Variants in USP32 observed in about 807,000 individuals in gnomAD.
The protein encoded by USP32 is ubiquitin specific peptidase 32.
A neutral mutation model predicts 204.8 loss-of-function variants in USP32; 59 were observed. The ratio of observed to expected loss-of-function variants is 0.29; its 90% CI spans 0.23 to 0.36. The LOEUF (loss-of-function observed/expected upper bound fraction) is 0.36. Among genes scored for constraint, USP32 ranks in the 10% least tolerant of loss-of-function variants. The pLI is 1.00. For synonymous variants in USP32, 517 were observed against 678.4 expected (o/e 0.76, Z 3.70); for missense variants, 1,160 against 1,946.4 (o/e 0.60, Z 7.60).
chr17:60,218,749 C>A (rs959548149), intron 16 of USP32, among the ~76,000 whole-genome samples: 2 of 152,136 alleles, frequency 1.3e-5, no homozygotes, highest in African/African-American at 4.8e-5. Context: ...AATTACAGCA[C>A]CACCACGCCC....
intron 1 of USP32, among the ~76,000 whole-genome samples, chr17:60,354,136 T>C (rs2089016124): frequency 6.6e-6 from 1 of 152,240 alleles, no homozygotes; most frequent in South Asian, 2.1e-4. Context: ...TTACATGGTA[T>C]AAAATATTTC....
intron 3 of USP32, among the ~76,000 whole-genome samples, chr17:60,296,946 T>TA (rs1225916497): frequency 6.6e-6 from 1 of 152,114 alleles, no homozygotes; most frequent in East Asian, 1.9e-4. Flanking sequence ...CACATCTCAT[T>TA]ATATCCAATC....
chr17:60,246,176 C>T (rs2086019249), intron 11 of USP32, among the ~76,000 whole-genome samples: 1 of 151,784 alleles, frequency 6.6e-6, no homozygotes, highest in African/African-American at 2.4e-5. Flanking sequence ...CAATATTATC[C>T]CTCCTGCCCT....
chr17:60,252,738 G>A (rs1163159167), intron 10 of USP32, among the ~76,000 whole-genome samples: 1 of 152,148 alleles, frequency 6.6e-6, no homozygotes, highest in East Asian at 1.9e-4. Flanking sequence ...ACAGATTTCA[G>A]AATAATTCTT....
At chr17:60,356,766 TTAAG>T (rs1198877212) in intron 1 of USP32, among the ~76,000 whole-genome samples, 4 of 151,998 alleles carry the variant, frequency 2.6e-5, no homozygotes, top group South Asian at 4.1e-4. Flanking sequence ...TGCAAAGCAT[TTAAG>T]TAAGAAAATG....
At chr17:60,333,685 A>C (rs1348099911) in intron 2 of USP32, among the ~76,000 whole-genome samples, 1 of 151,048 alleles carries the variant, frequency 6.6e-6, no homozygotes, top group Non-Finnish European at 1.5e-5. Context: ...AGGGAGGGAA[A>C]GAAAAGAGAG....
chr17:60,346,861 T>C (rs1335017653), intron 1 of USP32, among the ~76,000 whole-genome samples: 1 of 152,190 alleles, frequency 6.6e-6, no homozygotes, highest in East Asian at 1.9e-4. Context: ...AGTATAAAAA[T>C]GTATCATAAA....
intron 27 of USP32, among the ~76,000 whole-genome samples, chr17:60,193,135 T>A (rs1243204073): frequency 8.5e-5 from 13 of 152,214 alleles, no homozygotes; most frequent in African/African-American, 2.9e-4. Context: ...TATCTGGGCT[T>A]ACAGAAGGGT....
intron 9 of USP32, among the ~76,000 whole-genome samples, chr17:60,264,881 A>AAAGAG (rs1555604168): frequency 1.4e-5 from 2 of 141,660 alleles, no homozygotes; most frequent in African/African-American, 5.5e-5. Context: ...AAAAAAAAAA[A>AAAGAG]AGAGAGAGAG....
At chr17:60,306,097 G>GA (rs915749395) in intron 2 of USP32, among the ~76,000 whole-genome samples, 5 of 151,426 alleles carry the variant, frequency 3.3e-5, no homozygotes, top group South Asian at 2.1e-4. Context: ...AAAAAAAAAG[G>GA]AAAAAAAAGA....
chr17:60,333,542 G>A (rs11657384), intron 2 of USP32, among the ~76,000 whole-genome samples: 9,582 of 152,154 alleles, frequency 0.063, 429 homozygotes, highest in Non-Finnish European at 0.093. Flanking sequence ...GGAGGTTACA[G>A]TGAGCCAAGA....
At chr17:60,320,666 C>T (rs778410548) in intron 2 of USP32, among the ~76,000 whole-genome samples, 6 of 152,020 alleles carry the variant, frequency 3.9e-5, no homozygotes, top group Admixed American at 6.6e-5. Context: ...AAAACAACAC[C>T]GAATGAGTGA....
intron 26 of USP32, among the ~76,000 whole-genome samples, chr17:60,201,875 T>A (rs1461088111): frequency 6.6e-6 from 1 of 152,306 alleles, no homozygotes; most frequent in East Asian, 1.9e-4. Flanking sequence ...GCCAGGCTGG[T>A]CTTGAACTCC....
intron 2 of USP32, among the ~76,000 whole-genome samples, chr17:60,310,579 G>T (rs1325333298): frequency 6.6e-6 from 1 of 151,898 alleles, no homozygotes; most frequent in Non-Finnish European, 1.5e-5. Context: ...CGCGCCTATA[G>T]TCCCAGCTAC....
At chr17:60,212,869 T>C (rs191471518) in intron 18 of USP32, among the ~76,000 whole-genome samples, 33 of 152,152 alleles carry the variant, frequency 2.2e-4, no homozygotes, top group Admixed American at 1.9e-3. Context: ...TTCTCGTGCC[T>C]CAGCTTCCTG....
rs190452475 is a variant in USP32 at position 60,218,732 on chromosome 17, T to G, written c.1867+938A>C. 3.0e-4 allele frequency among the ~76,000 whole-genome samples: 46 copies of G among 152,218 alleles called. No individual in the cohort carries two copies. In the East Asian group the frequency reaches 8.9e-3, roughly 29 times the overall value. ...GATTCTCTTGCCCCAGCCTCCCAAG[T>G]AGCTGAAATTACAGCACCACCACGC... On this transcript the variant is annotated intron_variant, in intron 16 of 33. Coordinates refer to ENST00000300896, the MANE Select transcript of USP32 (RefSeq NM_032582.4).
rs986858634 is a variant in USP32 at position 60,371,279 on chromosome 17, T to G, written c.58+20603A>C. The stretch of plus-strand genomic sequence containing the variant: ...AAAAAAAAAAAAAAAAAAAAAAAAA[T>G]TAAATGGCCGGGCGCAGTGGCTCAC... On this transcript the variant is annotated intron_variant, in intron 1 of 33. Coordinates refer to ENST00000300896, the MANE Select transcript of USP32 (RefSeq NM_032582.4). Among the ~76,000 whole-genome samples the G allele has an allele frequency of 3.4e-4, 44 of 129,904 alleles. 1 individual carries two copies. The highest frequency in any genetic ancestry group is 2.6e-3 in the South Asian group (11 of 4,182). 85.2% of individuals were successfully genotyped at this position (129,904 alleles called of 152,430 possible). A position where few individuals can be genotyped will look rare whatever the true frequency, so the allele number is the denominator to read the frequency against.
chr17:60,319,518 C>T (rs1489438505), intron 2 of USP32, among the ~76,000 whole-genome samples: 3 of 152,202 alleles, frequency 2.0e-5, no homozygotes, highest in Non-Finnish European at 4.4e-5. Context: ...TAGCTCATGC[C>T]TGTAATCCCA....
chr17:60,264,381 G>C (rs1490154790), intron 9 of USP32, among the ~76,000 whole-genome samples: 1 of 151,568 alleles, frequency 6.6e-6, no homozygotes, highest in Non-Finnish European at 1.5e-5. Context: ...AGCTGGGCAT[G>C]GTGGTGCACA....
Sources: gnomAD v4.1 joint callset for allele counts (sites outside exome capture counted in the v4.1 genomes callset) on GRCh38, gnomAD v4.1.1 for gene constraint, MANE v1.5 for transcripts, NCBI Gene and HGNC (gene_info 2026-07-23, HGNC 2026-07-21) for gene names.